The following IKZF2 variants were observed in gnomAD, a reference collection of about 807,000 sequenced individuals.
IKZF2 encodes IKAROS family zinc finger 2, also known as zinc finger protein Helios.
In IKZF2, 15 loss-of-function variants were observed where a neutral mutation model predicts 49.2. The observed-to-expected ratio is 0.30, with a 90% confidence interval of 0.20 to 0.47. The LOEUF is 0.47. IKZF2 is among the 20% of genes least tolerant of loss of function. The pLI, the probability that IKZF2 is intolerant of heterozygous loss-of-function variation, is 1.00. For synonymous variants in IKZF2, 227 were observed against 221.4 expected (o/e 1.03, Z -0.23); for missense variants, 567 against 664.6 (o/e 0.85, Z 1.61).
intron 7 of IKZF2, 41 bp downstream of exon 7, chr2:213,021,952 A>G (rs1161281194): frequency 6.3e-7 from 1 of 1,578,672 alleles, no homozygotes; most frequent in South Asian, 1.2e-5. Flanking sequence ...CTACAAAAGC[A>G]GTAGGGGGAA....
Position 213,122,407 on chromosome 2 carries a change from C to T in IKZF2, c.139+25301G>A, listed in dbSNP as rs2125839270. 2.0e-5 allele frequency among the ~76,000 whole-genome samples: 3 copies of T among 152,294 alleles called. 1 individual carries two copies. The South Asian group carries it at 6.2e-4, about 32-fold the overall frequency. The stretch of plus-strand genomic sequence containing the variant: ...AATTAGAGTCGCAGGCTCCTCCTCC[C>T]TTGAACACTTTGTTTGATTCAGTAT... On this transcript the variant is annotated intron_variant, in intron 4 of 8. Coordinates refer to ENST00000434687, the MANE Select transcript of IKZF2 (RefSeq NM_001387220.1).
In IKZF2 at chr2:213,006,777, T is replaced by G. The variant is rs1695379089; in HGVS notation, c.*583A>C. ...CTATATGGTACAGTGTAAAACATAC[T>G]GAATTATAAATTCCATAGGGGAAGT... is the stretch of plus-strand genomic sequence containing the variant. On this transcript the variant is annotated 3_prime_UTR_variant, in exon 9 of 9. Coordinates refer to ENST00000434687, the MANE Select transcript of IKZF2 (RefSeq NM_001387220.1). 2.0e-5 allele frequency: 3 copies of G among 153,418 alleles called. No homozygotes were observed. In the South Asian group the frequency reaches 6.2e-4, roughly 32 times the overall value. 9.5% of individuals were successfully genotyped at this position (153,418 alleles called of 1,614,324 possible).
intron 4 of IKZF2, among the ~76,000 whole-genome samples, chr2:213,145,172 TA>T (rs11356704): frequency 0.04 from 5,480 of 138,328 alleles, 243 homozygotes; most frequent in African/African-American, 0.11. Context: ...GCTGTTTTAC[TA>T]AAAAAAAAAA....
chr2:213,133,999 C>G (rs2125910979), intron 4 of IKZF2, among the ~76,000 whole-genome samples: 2 of 152,208 alleles, frequency 1.3e-5, no homozygotes, highest in African/African-American at 4.8e-5. Context: ...AACAATGATA[C>G]ACATGTAAAG....
chr2:213,068,115 A>G (rs1438691090), intron 4 of IKZF2, among the ~76,000 whole-genome samples: 1 of 152,144 alleles, frequency 6.6e-6, no homozygotes, highest in Non-Finnish European at 1.5e-5. Context: ...CACCATAGAA[A>G]GCAAAGTAGA....
intron 4 of IKZF2, among the ~76,000 whole-genome samples, chr2:213,084,284 T>C (rs929787079): frequency 4.6e-5 from 7 of 152,194 alleles, no homozygotes; most frequent in Non-Finnish European, 8.8e-5. Flanking sequence ...ATAATAACTT[T>C]CCAGGGAAGT....
chr2:213,038,119 G>A (rs1042086953), intron 6 of IKZF2, among the ~76,000 whole-genome samples: 1 of 151,728 alleles, frequency 6.6e-6, no homozygotes. Flanking sequence ...GGAGTGCAGT[G>A]GCAGGATCTC....
At chr2:213,103,865 T>A (rs1331368473) in intron 4 of IKZF2, among the ~76,000 whole-genome samples, 1 of 152,166 alleles carries the variant, frequency 6.6e-6, no homozygotes, top group African/African-American at 2.4e-5. Context: ...ATCAGATTTA[T>A]AAGAAAATGT....
intron 6 of IKZF2, among the ~76,000 whole-genome samples, chr2:213,038,343 G>A (rs1391251888): frequency 6.6e-6 from 1 of 152,178 alleles, no homozygotes; most frequent in Non-Finnish European, 1.5e-5. Context: ...ACAGGCGTGA[G>A]CCACCGTGTC....
intron 7 of IKZF2, 147 bp downstream of exon 7, chr2:213,021,846 A>G (rs1472633961): frequency 1.2e-6 from 1 of 836,698 alleles, no homozygotes; most frequent in Admixed American, 3.0e-5. Context: ...AAATTTCAAT[A>G]CAGATTATTT....
At position 213,148,604 on chromosome 2, in the gene IKZF2, T is replaced by G; in HGVS notation, c.26A>C (p.Tyr9Ser). 6.2e-7 allele frequency: 1 copy of G among 1,611,174 alleles called. No individual in the cohort carries two copies. Among genetic ancestry groups the G allele is most frequent in the African/African-American group, 1.3e-5 (1 of 74,998 alleles). The change falls in exon 3 of 9, where the codon TAT becomes TCT. Residue 9 changes from tyrosine to serine, a missense_variant. Tyr to Ser is a moderately radical substitution (Grantham distance 144). Coordinates refer to ENST00000434687, the MANE Select transcript of IKZF2 (RefSeq NM_001387220.1). ...TGAAAACTAATACTTACACGTTATA[T>G]AGCCATCAATAGCCTCTGTTTCCAT... The part of the protein sequence containing the change: METEAIDG[Y>S]ITCDNELSPE...
At chr2:213,100,314 C>T (rs1280363505) in intron 4 of IKZF2, among the ~76,000 whole-genome samples, 1 of 151,940 alleles carries the variant, frequency 6.6e-6, no homozygotes, top group Admixed American at 6.6e-5. Flanking sequence ...CAAATGCTTT[C>T]CAGCCTACAG....
chr2:213,079,328 A>G (rs1262671424), intron 4 of IKZF2, among the ~76,000 whole-genome samples: 1 of 151,894 alleles, frequency 6.6e-6, no homozygotes, highest in Non-Finnish European at 1.5e-5. Flanking sequence ...GGAGTAAGCC[A>G]TGATTGTGCC....
chr2:213,134,744 C>T (rs1310767286), intron 4 of IKZF2, among the ~76,000 whole-genome samples: 1 of 152,194 alleles, frequency 6.6e-6, no homozygotes, highest in Non-Finnish European at 1.5e-5. Flanking sequence ...ATCTTATTGC[C>T]ACATTCCTCA....
At chr2:213,056,217 C>T (rs1345800150) in intron 5 of IKZF2, among the ~76,000 whole-genome samples, 3 of 150,350 alleles carry the variant, frequency 2.0e-5, no homozygotes, top group Non-Finnish European at 3.0e-5. Flanking sequence ...CACTCTATCC[C>T]AGAATTACAT....
At chr2:213,144,069 G>T (rs1428848710) in intron 4 of IKZF2, among the ~76,000 whole-genome samples, 2 of 151,874 alleles carry the variant, frequency 1.3e-5, no homozygotes, top group Non-Finnish European at 2.9e-5. Flanking sequence ...ATATACTTCT[G>T]CTTCGCTAGG....
intron 7 of IKZF2, 133 bp from the exon 8 acceptor site, chr2:213,014,067 C>G: frequency 1.4e-6 from 1 of 721,210 alleles, no homozygotes. Context: ...AAAGAATACC[C>G]TCTAGTGTGA....
chr2:213,067,690 C>T (rs933801047), intron 4 of IKZF2, among the ~76,000 whole-genome samples: 6 of 152,028 alleles, frequency 3.9e-5, no homozygotes, highest in Non-Finnish European at 8.8e-5. Context: ...CCAGGCACCA[C>T]GAAGCAGTAG....
intron 8 of IKZF2, among the ~76,000 whole-genome samples, chr2:213,009,366 A>G (rs1034394271): frequency 6.6e-6 from 1 of 152,144 alleles, no homozygotes; most frequent in African/African-American, 2.4e-5. Flanking sequence ...TCCCTAAGAC[A>G]ATGTGGTCTC....
Sources: allele counts gnomAD v4.1 joint callset (sites outside exome capture counted in the v4.1 genomes callset), GRCh38; gene constraint gnomAD v4.1.1; transcripts MANE v1.5; gene names NCBI Gene and HGNC (gene_info 2026-07-23, HGNC 2026-07-21).